The following PLCH2 variants were observed in gnomAD, a reference collection of about 807,000 sequenced individuals.
The protein encoded by PLCH2 is 1-phosphatidylinositol 4,5-bisphosphate phosphodiesterase eta-2.
In PLCH2, 98 loss-of-function variants were observed where a neutral mutation model predicts 134.7. That is an observed-to-expected ratio of 0.73 (90% CI 0.62 to 0.86). The LOEUF is 0.86. PLCH2 is among the 40% of genes least tolerant of loss of function. The probability of loss-of-function intolerance (pLI) is 0.00; values close to 1 mark genes in which losing one functional copy is unlikely to be tolerated. For synonymous variants in PLCH2, 974 were observed against 827.5 expected, an observed-to-expected ratio of 1.18 and a Z score of -3.04; for missense variants, 1,994 against 1,986.6, an observed-to-expected ratio of 1.00 and a Z score of -0.07.
intron 2 of PLCH2, among the ~76,000 whole-genome samples, chr1:2,434,048 G>A (rs1228913073): frequency 2.0e-5 from 3 of 152,212 alleles, no homozygotes; most frequent in Non-Finnish European, 4.4e-5. Flanking sequence ...TCCTTCACAG[G>A]CATCGCGCGT....
At chr1:2,503,784 G>T in intron 21 of PLCH2, 138 bp from the exon 22 acceptor site, 1 of 615,056 alleles carries the variant, frequency 1.6e-6, no homozygotes, top group East Asian at 2.8e-5. Flanking sequence ...CTCGGGGTGG[G>T]AGCTGGGCCT....
chr1:2,500,045 T>C (rs1643130677), intron 20 of PLCH2: 3 of 445,476 alleles, frequency 6.7e-6, no homozygotes, highest in Non-Finnish European at 1.2e-5. Flanking sequence ...ACCCCTACAG[T>C]GCTGCCATCT....
chr1:2,484,370 TG>T, intron 4 of PLCH2, 77 bp from the exon 5 acceptor site: 1 of 1,394,998 alleles, frequency 7.2e-7, no homozygotes, highest in Non-Finnish European at 1.0e-6. Flanking sequence ...GACTGGGGAG[TG>T]GGGTGGTCCT....
intron 5 of PLCH2, among the ~76,000 whole-genome samples, chr1:2,485,370 A>G (rs1210556145): frequency 1.3e-5 from 2 of 152,208 alleles, no homozygotes; most frequent in African/African-American, 2.4e-5. Flanking sequence ...CCGGAGCCCC[A>G]GTGGGGACAG....
Position 2,502,366 on chromosome 1 carries a change from G to A in PLCH2, c.2916G>A (p.Pro972=), listed in dbSNP as rs750879836. ...DVVPPGPGPA[P]EAPAQEGPGS... is the part of the protein sequence containing the mutation. ...TGCCCCCCGGGCCCGGACCTGCTCC[G>A]GAAGCCCCAGCCCAGGAGGGGCCCG... Residue 972 remains proline, a synonymous_variant, in exon 21 of 22, where the codon CCG becomes CCA. Transcript: ENST00000378486. The A allele has an allele frequency of 4.0e-5, 61 of 1,540,972 alleles. No homozygotes were observed. Among genetic ancestry groups the A allele is most frequent in the South Asian group, 2.3e-4 (19 of 83,438 alleles).
At chr1:2,457,612 CAG>C (rs1640557991) in intron 2 of PLCH2, among the ~76,000 whole-genome samples, 1 of 152,090 alleles carries the variant, frequency 6.6e-6, no homozygotes, top group African/African-American at 2.4e-5. Flanking sequence ...TCCTGCCTCT[CAG>C]GGGCCCAACA....
In PLCH2 at chr1:2,494,894, C is replaced by T. The variant is rs369187541; in HGVS notation, c.1698C>T (p.Ala566=). The change falls in exon 12 of 22, where the codon GCC becomes GCT. Residue 566 remains alanine (A), a synonymous_variant. Coordinates refer to ENST00000378486, the MANE Select transcript of PLCH2 (RefSeq NM_014638.4). ...AGGACGTGGAGTCTGGGGAGGATGC[C>T]GGGGCCAGCAGACGCAATGGCCGCC... The part of the protein sequence containing the change: ...AEEDVESGED[A]GASRRNGRLV... 9.1e-5 allele frequency: 146 copies of T among 1,606,492 alleles called. No individual in the cohort carries two copies. The highest frequency in any genetic ancestry group is 1.2e-4 in the Non-Finnish European group (137 of 1,177,550).
At chr1:2,440,835 T>C (rs1477225584) in intron 2 of PLCH2, among the ~76,000 whole-genome samples, 1 of 152,238 alleles carries the variant, frequency 6.6e-6, no homozygotes, top group African/African-American at 2.4e-5. Flanking sequence ...TCATTGCTGT[T>C]GGTGTCATCT....
chr1:2,459,667 T>TTTCCG (rs1557970582), intron 2 of PLCH2, among the ~76,000 whole-genome samples: 4 of 26,028 alleles, frequency 1.5e-4, no homozygotes, highest in East Asian at 7.5e-4. Flanking sequence ...CCTCCTTGCC[T>TTTCCG]GTGGTCTTCC....
upstream of PLCH2, among the ~76,000 whole-genome samples, chr1:2,473,697 G>A (rs748737184): frequency 5.3e-5 from 8 of 152,216 alleles, no homozygotes; most frequent in East Asian, 1.9e-4. Flanking sequence ...GGAGGACTTC[G>A]AGGTCCCTGC....
chr1:2,485,312 G>T (rs1357940113), intron 5 of PLCH2, among the ~76,000 whole-genome samples: 3 of 152,234 alleles, frequency 2.0e-5, no homozygotes, highest in Non-Finnish European at 4.4e-5. Flanking sequence ...GGTACCGCAT[G>T]CCCTGGTGGC....
Position 2,489,226 on chromosome 1 carries a change from A to C in PLCH2, c.1255A>C (p.Ile419Leu), listed in dbSNP as rs767219164. 2.5e-6 allele frequency: 4 copies of C among 1,613,700 alleles called. No homozygotes were observed. Among genetic ancestry groups the C allele is most frequent in the Non-Finnish European group, 3.4e-6 (4 of 1,179,842 alleles). ...CCACAGGTACCCAGTGATCCTGTCC[A>C]TCGAAAACCACTGCAGTGTCATCCA... Reference protein sequence around the residue: ...IKNEYPVILSIENHCSVIQQK... With the variant: ...IKNEYPVILSLENHCSVIQQK... Residue 419 changes from isoleucine (I) to leucine (L), a missense_variant, in exon 9 of 22, where the codon ATC becomes CTC. Physicochemically the swap from Ile to Leu is conservative, Grantham distance 5. This residue lies in a region of PLCH2 where 1,094 missense variants were observed against 1,234.3 expected (regional missense o/e 0.89). Coordinates refer to ENST00000378486, the MANE Select transcript of PLCH2 (RefSeq NM_014638.4).
At chr1:2,503,446 G>A (rs2100747534) in intron 21 of PLCH2, 1 of 601,770 alleles carries the variant, frequency 1.7e-6, no homozygotes, top group Non-Finnish European at 3.0e-6. Flanking sequence ...GCGTGGAGTA[G>A]ATTCCCTGGG....
intron 2 of PLCH2, among the ~76,000 whole-genome samples, chr1:2,436,441 C>CTCCACCT (rs1639395700): frequency 7.5e-5 from 2 of 26,512 alleles, no homozygotes; most frequent in Non-Finnish European, 1.2e-4. Flanking sequence ...TCCCTCCTCC[C>CTCCACCT]TTCCTCCCTT....
At chr1:2,424,925 G>T (rs1638704851), upstream of PLCH2, among the ~76,000 whole-genome samples, 1 of 152,222 alleles carries the variant, frequency 6.6e-6, no homozygotes. Context: ...GGCGAAGGTT[G>T]CAGTGAGCTG....
chr1:2,463,032 T>C (rs184314072), upstream of PLCH2, among the ~76,000 whole-genome samples: 2 of 152,314 alleles, frequency 1.3e-5, no homozygotes, highest in African/African-American at 2.4e-5. Flanking sequence ...GGGCTGTGTC[T>C]CTCCCAGCCG....
rs1200387662 is a variant in PLCH2, at chr1:2,476,605, C to T, written c.17C>T (p.Pro6Leu). 4 of 1,579,034 alleles carry T rather than the reference C, an allele frequency of 2.5e-6. No homozygotes were observed. In the African/African-American group the frequency reaches 5.4e-5, roughly 21 times the overall value. The change falls in exon 1 of 22, where the codon CCC becomes CTC. Residue 6 changes from proline to leucine, a missense_variant. Coordinates refer to ENST00000378486, the MANE Select transcript of PLCH2 (RefSeq NM_014638.4). ...CGTCAGGCCATGTCTGGTCCATGGC[C>T]CTCCCCCGACAGCCGGACCAAGGGA... The part of the protein sequence containing the change: MSGPW[P>L]SPDSRTKGTV...
chr1:2,504,643 G>A lies in PLCH2; in HGVS notation c.3681G>A (p.Arg1227=), dbSNP rs1206665960. ...TGCAGCCCAGGTCCCTGGCCCCAAG[G>A]ATGGCTGGCCTCCCCTTCCGGCCTC... ...DELQPRSLAP[R]MAGLPFRPPW... Residue 1227 remains arginine (R), a synonymous_variant, in exon 22 of 22, where the codon AGG becomes AGA. Transcript: ENST00000378486. 2 of 1,612,650 alleles carry A rather than the reference G, an allele frequency of 1.2e-6. No homozygotes were observed. The highest frequency in any genetic ancestry group is 1.7e-6 in the Non-Finnish European group (2 of 1,179,786).
At chr1:2,446,639 C>A (rs1465641700) in intron 2 of PLCH2, among the ~76,000 whole-genome samples, 1 of 152,244 alleles carries the variant, frequency 6.6e-6, no homozygotes, top group Admixed American at 6.5e-5. Context: ...GGGAGAACAG[C>A]TTTTGTCCTT....
Sources: gnomAD v4.1 joint callset for allele counts (sites outside exome capture counted in the v4.1 genomes callset) on GRCh38, gnomAD v4.1.1 for gene constraint, gnomAD v4.1.1 regional missense constraint, MANE v1.5 for transcripts, NCBI Gene and HGNC (gene_info 2026-07-23, HGNC 2026-07-21) for gene names.